The following DNAH7 variants were observed in gnomAD, a reference collection of about 807,000 sequenced individuals.
DNAH7 encodes the protein dynein axonemal heavy chain 7, also known as axonemal beta dynein heavy chain 7.
Under a neutral mutation model 444.6 loss-of-function variants are expected in DNAH7, and 397 were observed. That is an observed-to-expected ratio of 0.89 (90% CI 0.82 to 0.97). The LOEUF (loss-of-function observed/expected upper bound fraction) is 0.97, where lower values mean the gene tolerates loss of function less well. Among genes scored for constraint, DNAH7 ranks in the 50% least tolerant of loss-of-function variants. The probability of loss-of-function intolerance (pLI) is 0.00; values close to 1 mark genes in which losing one functional copy is unlikely to be tolerated. For missense variants in DNAH7, 4,902 were observed against 4,800.8 expected, an observed-to-expected ratio of 1.02 and a Z score of -0.62; for synonymous variants, 1,636 against 1,624.4, an observed-to-expected ratio of 1.01 and a Z score of -0.17.
intron 54 of DNAH7, among the ~76,000 whole-genome samples, chr2:195,805,942 C>G (rs1324853164): frequency 6.6e-6 from 1 of 152,082 alleles, no homozygotes; most frequent in African/African-American, 2.4e-5. Flanking sequence ...AATCTAAATT[C>G]TGCTTTATTT....
intron 19 of DNAH7, among the ~76,000 whole-genome samples, chr2:195,943,294 TTAAGGTCAATATTCATAGTAGGACC>T (rs1405157323): frequency 1.3e-5 from 2 of 152,186 alleles, no homozygotes; most frequent in Admixed American, 6.6e-5. Context: ...TTCACTTTGT[TTAAGGTCAATATTCATAGTAGGACC>T]TTTACTATTA....
intron 33 of DNAH7, among the ~76,000 whole-genome samples, chr2:195,886,736 A>C (rs1457228271): frequency 2.0e-5 from 3 of 152,192 alleles, no homozygotes; most frequent in Non-Finnish European, 4.4e-5. Flanking sequence ...TGGAGTGCTG[A>C]ACTTGTCGTG....
chr2:196,048,503 ACAGAT>A (rs1697271019), intron 3 of DNAH7, 99 bp from the exon 4 acceptor site: 1 of 896,308 alleles, frequency 1.1e-6, no homozygotes, highest in Non-Finnish European at 1.7e-6. Flanking sequence ...ATTTTCTCAA[ACAGAT>A]CAGAACATCT....
At chr2:195,824,031 T>C (rs1251646393) in intron 49 of DNAH7, among the ~76,000 whole-genome samples, 2 of 152,204 alleles carry the variant, frequency 1.3e-5, no homozygotes, top group East Asian at 3.8e-4. Context: ...TGTAGAAATT[T>C]GATTCTGATG....
chr2:195,871,241 A>G (rs777651852), intron 40 of DNAH7, among the ~76,000 whole-genome samples: 2 of 152,236 alleles, frequency 1.3e-5, no homozygotes, highest in African/African-American at 2.4e-5. Flanking sequence ...TTTGAAATTT[A>G]TATCTCTGTA....
chr2:195,922,219 G>A (rs773242150), intron 23 of DNAH7, 22 bp from the exon 24 acceptor site: 28 of 1,371,890 alleles, frequency 2.0e-5, no homozygotes, highest in Non-Finnish European at 2.9e-5. Flanking sequence ...CAAATAAAAT[G>A]AAGTTAAACA....
chr2:195,797,729 G>A (rs1160162388), intron 55 of DNAH7, among the ~76,000 whole-genome samples: 1 of 152,158 alleles, frequency 6.6e-6, no homozygotes, highest in Non-Finnish European at 1.5e-5. Context: ...AAATTCTTCA[G>A]GCTCCAACTA....
chr2:195,915,806 T>C (rs1687639251), intron 24 of DNAH7, among the ~76,000 whole-genome samples: 1 of 152,168 alleles, frequency 6.6e-6, no homozygotes, highest in East Asian at 1.9e-4. Context: ...GCATGCATGC[T>C]TAGCTTCAAG....
intron 5 of DNAH7, among the ~76,000 whole-genome samples, chr2:196,045,480 T>C (rs895724050): frequency 6.6e-6 from 1 of 151,672 alleles, no homozygotes; most frequent in African/African-American, 2.4e-5. Context: ...CAAAAGCAAC[T>C]TTCTAAAAAT....
intron 63 of DNAH7, among the ~76,000 whole-genome samples, chr2:195,745,830 T>A (rs1020487626): frequency 1.3e-5 from 2 of 152,114 alleles, no homozygotes; most frequent in African/African-American, 4.8e-5. Flanking sequence ...AGGCCTGCCC[T>A]AAAAGAGCTC....
chr2:195,758,002 G>T (rs1392106371), intron 61 of DNAH7, among the ~76,000 whole-genome samples: 1 of 152,224 alleles, frequency 6.6e-6, no homozygotes, highest in Non-Finnish European at 1.5e-5. Flanking sequence ...GAAATCAGGG[G>T]GATTAAGTGA....
At chr2:195,891,907 G>A (rs1404482399) in intron 30 of DNAH7, 103 bp from the exon 31 acceptor site, 25 of 921,994 alleles carry the variant, frequency 2.7e-5, no homozygotes, top group Non-Finnish European at 3.8e-5. Context: ...TACAAAGAAA[G>A]TATTAGAAGT....
In DNAH7 at chr2:195,737,858, A is replaced by AAATAATT. The variant is rs71015726; in HGVS notation, c.*62_*63insAATTATT. 8.6e-6 allele frequency: 13 copies of AAATAATT among 1,505,808 alleles called. No homozygotes were observed. Among genetic ancestry groups the AAATAATT allele is most frequent in the Middle Eastern group, 3.5e-4 (2 of 5,730 alleles). 93.3% of individuals were successfully genotyped at this position (1,505,808 alleles called of 1,614,324 possible). On this transcript the variant is annotated 3_prime_UTR_variant, in exon 65 of 65. Transcript: ENST00000312428. Reference sequence around the variant, plus strand: ...AACAAAAAAAAAGGTTTAAGTAGTAAAATATGCTTTCTCTACTCAGCCAGC... The same window carrying AAATAATT: ...AACAAAAAAAAAGGTTTAAGTAGTAAAATAATTAATATGCTTTCTCTACTCAGCCAGC...
rs1701410029 is a variant in DNAH7 at position 195,881,968 on chromosome 2, T to C, written c.5788A>G (p.Ile1930Val). The part of the protein sequence containing the change: ...TEGIGKWEPW[I>V]KKLKEAPPIP... ...GGAGGAGCTTCTTTCAATTTCTTTA[T>C]CCATGGTTCCCATTTTCCTATTCCC... Residue 1930 changes from isoleucine (I) to valine (V), a missense_variant, in exon 36 of 65, where the codon ATA (isoleucine) becomes GTA (valine). Coordinates refer to ENST00000312428, the MANE Select transcript of DNAH7 (RefSeq NM_018897.3). The C allele has an allele frequency of 1.9e-6, 3 of 1,613,712 alleles. No homozygotes were observed. The highest frequency in any genetic ancestry group is 2.5e-6 in the Non-Finnish European group (3 of 1,179,848).
intron 44 of DNAH7, among the ~76,000 whole-genome samples, chr2:195,857,041 A>C (rs1699753378): frequency 6.6e-6 from 1 of 152,142 alleles, no homozygotes; most frequent in African/African-American, 2.4e-5. Flanking sequence ...TTGTATTAAC[A>C]TGTAACATTT....
intron 9 of DNAH7, 139 bp from the exon 10 acceptor site, chr2:196,013,045 A>G: frequency 1.9e-6 from 1 of 537,148 alleles, no homozygotes; most frequent in Non-Finnish European, 3.0e-6. Flanking sequence ...TAAATGTTAA[A>G]GAACACAAGA....
chr2:195,744,639 T>C (rs1369811685), intron 63 of DNAH7, among the ~76,000 whole-genome samples: 14 of 152,056 alleles, frequency 9.2e-5, no homozygotes, highest in Middle Eastern at 3.2e-3. Context: ...CACGGCCGGG[T>C]ACTCCTCTGA....
At chr2:195,767,697 T>C (rs1162968913) in intron 61 of DNAH7, among the ~76,000 whole-genome samples, 2 of 152,038 alleles carry the variant, frequency 1.3e-5, no homozygotes, top group Admixed American at 1.3e-4. Flanking sequence ...ATAATTATAA[T>C]GTGTAATTTC....
Position 195,888,954 on chromosome 2 carries a change from C to A in DNAH7, c.5074G>T (p.Asp1692Tyr). 1.2e-6 allele frequency: 2 copies of A among 1,612,712 alleles called. No homozygotes were observed. Among genetic ancestry groups the A allele is most frequent in the Non-Finnish European group, 8.5e-7 (1 of 1,179,594 alleles). ...VTPDRKWLIF[D>Y]GPVDAVWIEN... ...ATCCACACTGCATCTACTGGGCCAT[C>A]AAAAATTAACCATTTCCTATCTGGA... Residue 1692 changes from aspartate (D) to tyrosine (Y), a missense_variant, in exon 32 of 65, where the codon GAT (aspartate) becomes TAT (tyrosine). Asp to Tyr is a radical substitution (Grantham distance 160). Transcript: ENST00000312428.
Sources: allele counts gnomAD v4.1 joint callset (sites outside exome capture counted in the v4.1 genomes callset), GRCh38; gene constraint gnomAD v4.1.1; transcripts MANE v1.5; gene names NCBI Gene and HGNC (gene_info 2026-07-23, HGNC 2026-07-21).